The following ADAMTS3 variants were observed in gnomAD, a reference collection of about 807,000 sequenced individuals.
ADAMTS3 encodes A disintegrin and metalloproteinase with thrombospondin motifs 3.
Under a neutral mutation model 129.0 loss-of-function variants are expected in ADAMTS3, and 73 were observed. The ratio of observed to expected loss-of-function variants is 0.57; its 90% CI spans 0.47 to 0.69. The LOEUF (loss-of-function observed/expected upper bound fraction) is 0.69. ADAMTS3 is among the 30% of genes least tolerant of loss of function. ADAMTS3 has a pLI of 0.00. For synonymous variants in ADAMTS3, 477 were observed against 510.8 expected, an observed-to-expected ratio of 0.93 and a Z score of 0.89; for missense variants, 1,457 against 1,514.5, an observed-to-expected ratio of 0.96 and a Z score of 0.63.
intron 2 of ADAMTS3, among the ~76,000 whole-genome samples, chr4:72,562,404 G>A (rs2623544): frequency 0.96 from 146,852 of 152,258 alleles, 71,057 homozygotes; most frequent in East Asian, 1. Context: ...TGCAGGCAAC[G>A]ACATATACAT....
chr4:72,296,470 A>G (rs1172704587), intron 18 of ADAMTS3, among the ~76,000 whole-genome samples: 1 of 152,116 alleles, frequency 6.6e-6, no homozygotes, highest in Non-Finnish European at 1.5e-5. Flanking sequence ...TTATGTATAT[A>G]AATTTGAAAA....
At chr4:72,490,843 G>C (rs1190747256) in intron 3 of ADAMTS3, among the ~76,000 whole-genome samples, 1 of 151,782 alleles carries the variant, frequency 6.6e-6, no homozygotes, top group African/African-American at 2.4e-5. Context: ...AGGAATTATA[G>C]GATTGTTTTT....
At chr4:72,418,408 T>A (rs2109930735) in intron 3 of ADAMTS3, among the ~76,000 whole-genome samples, 1 of 152,238 alleles carries the variant, frequency 6.6e-6, no homozygotes, top group Non-Finnish European at 1.5e-5. Context: ...AAACATCAGG[T>A]GCTTCTTTCT....
chr4:72,382,116 T>A (rs1721305954), intron 4 of ADAMTS3, among the ~76,000 whole-genome samples: 1 of 152,154 alleles, frequency 6.6e-6, no homozygotes, highest in South Asian at 2.1e-4. Context: ...GTTCTGATGA[T>A]TTCTTAACTT....
At chr4:72,334,089 G>A (rs899067482) in intron 5 of ADAMTS3, among the ~76,000 whole-genome samples, 6 of 151,800 alleles carry the variant, frequency 4.0e-5, no homozygotes, top group African/African-American at 7.3e-5. Flanking sequence ...TCATGACCTC[G>A]TGATCTGCCC....
chr4:72,529,178 A>C (rs1560552615), intron 3 of ADAMTS3, among the ~76,000 whole-genome samples: 1 of 152,182 alleles, frequency 6.6e-6, no homozygotes, highest in Non-Finnish European at 1.5e-5. Flanking sequence ...GAAAATTTTA[A>C]ATTGTTTGAA....
At chr4:72,506,860 AT>A (rs964435075) in intron 3 of ADAMTS3, among the ~76,000 whole-genome samples, 6 of 152,112 alleles carry the variant, frequency 3.9e-5, no homozygotes, top group African/African-American at 1.4e-4. Flanking sequence ...GTCCTTCATG[AT>A]TCCAGTGGAT....
intron 4 of ADAMTS3, among the ~76,000 whole-genome samples, chr4:72,370,585 T>C (rs1250955356): frequency 6.6e-6 from 1 of 151,962 alleles, no homozygotes; most frequent in African/African-American, 2.4e-5. Context: ...CCATCTCTAC[T>C]GAAAATACAA....
chr4:72,477,341 C>G (rs1578716719), intron 3 of ADAMTS3, among the ~76,000 whole-genome samples: 2 of 152,128 alleles, frequency 1.3e-5, no homozygotes, highest in Admixed American at 6.6e-5. Flanking sequence ...AACAAACTGT[C>G]TCTCAGACCA....
chr4:72,522,400 T>C (rs72853078), intron 3 of ADAMTS3, among the ~76,000 whole-genome samples: 6,512 of 152,228 alleles, frequency 0.043, 173 homozygotes, highest in African/African-American at 0.049. Flanking sequence ...TTCCACACAA[T>C]AGATGAAATA....
chr4:72,294,184 C>G lies in ADAMTS3; in HGVS notation c.2723+1470G>C, dbSNP rs536429744. ...TATGCTAAGTGAAATGAATCAGACA[C>G]AGAAAGACAAATACCATGTGACCTT... On this transcript the variant is annotated intron_variant, in intron 19 of 21. Coordinates refer to ENST00000286657, the MANE Select transcript of ADAMTS3 (RefSeq NM_014243.3). Among the ~76,000 whole-genome samples the G allele has an allele frequency of 2.6e-5, 4 of 152,084 alleles. No individual in the cohort carries two copies. The South Asian group carries it at 8.3e-4, about 32-fold the overall frequency.
chr4:72,349,778 A>C (rs1356245687), intron 4 of ADAMTS3, among the ~76,000 whole-genome samples: 1 of 152,054 alleles, frequency 6.6e-6, no homozygotes, highest in African/African-American at 2.4e-5. Context: ...ACTTGCAATA[A>C]AATTTTACTG....
intron 3 of ADAMTS3, among the ~76,000 whole-genome samples, chr4:72,517,772 C>A (rs1274441020): frequency 3.3e-5 from 5 of 151,164 alleles, no homozygotes; most frequent in African/African-American, 9.7e-5. Flanking sequence ...TTTTGTTGAT[C>A]CTTTCAAAAA....
At position 72,311,197 on chromosome 4, in the gene ADAMTS3, G is replaced by A. The variant is rs1313220461; in HGVS notation, c.1922-16C>T. 9 of 1,598,994 alleles carry A rather than the reference G, an allele frequency of 5.6e-6. No homozygotes were observed. Among genetic ancestry groups the A allele is most frequent in the Non-Finnish European group, 7.7e-6 (9 of 1,172,338 alleles). ...CTTTTCTTGGCTGCATAAGATGGAG[G>A]ATAAAATTAACTATTTACATAAAAT... On this transcript the variant is annotated splice_polypyrimidine_tract_variant and intron_variant, in intron 13 of 21. Coordinates refer to ENST00000286657, the MANE Select transcript of ADAMTS3 (RefSeq NM_014243.3).
At chr4:72,516,982 T>C (rs1270848986) in intron 3 of ADAMTS3, among the ~76,000 whole-genome samples, 2 of 152,204 alleles carry the variant, frequency 1.3e-5, no homozygotes, top group East Asian at 1.9e-4. Flanking sequence ...TTTGCATAGA[T>C]AGCTCTTAAT....
intron 14 of ADAMTS3, among the ~76,000 whole-genome samples, chr4:72,310,226 C>T (rs1222167221): frequency 6.6e-6 from 1 of 151,976 alleles, no homozygotes; most frequent in Non-Finnish European, 1.5e-5. Flanking sequence ...GTTTTCTGAA[C>T]CAAGGCATGT....
intron 21 of ADAMTS3, among the ~76,000 whole-genome samples, chr4:72,284,048 G>A (rs1024805521): frequency 2.0e-5 from 3 of 152,234 alleles, no homozygotes; most frequent in African/African-American, 7.2e-5. Flanking sequence ...TTTTTAGGAT[G>A]CAAAGGGGCA....
intron 4 of ADAMTS3, among the ~76,000 whole-genome samples, chr4:72,389,553 A>G (rs1721533285): frequency 6.6e-6 from 1 of 152,168 alleles, no homozygotes; most frequent in African/African-American, 2.4e-5. Flanking sequence ...CATACAAACA[A>G]GAAACTATCC....
At chr4:72,342,366 T>A (rs897818145) in intron 4 of ADAMTS3, among the ~76,000 whole-genome samples, 1 of 150,568 alleles carries the variant, frequency 6.6e-6, no homozygotes. Flanking sequence ...TTACTTTTTT[T>A]TTTTTTTTTT....
Sources: gnomAD v4.1 joint callset for allele counts (sites outside exome capture counted in the v4.1 genomes callset) on GRCh38, gnomAD v4.1.1 for gene constraint, MANE v1.5 for transcripts, NCBI Gene and HGNC (gene_info 2026-07-23, HGNC 2026-07-21) for gene names.